PDE8A: variants seen among roughly 807,000 people sequenced by gnomAD.
PDE8A encodes the protein phosphodiesterase 8A.
In PDE8A, 59 loss-of-function variants were observed where a neutral mutation model predicts 105.0. That is an observed-to-expected ratio of 0.56 (90% confidence interval 0.46 to 0.70). PDE8A has a LOEUF of 0.70. PDE8A is among the 30% of genes least tolerant of loss of function. The pLI is 0.00. For synonymous variants in PDE8A, 355 were observed against 371.9 expected, an observed-to-expected ratio of 0.95 and a Z score of 0.52; for missense variants, 1,014 against 1,045.9, an observed-to-expected ratio of 0.97 and a Z score of 0.42.
At chr15:84,997,152 T>C (rs1008307648) in intron 1 of PDE8A, among the ~76,000 whole-genome samples, 2 of 152,104 alleles carry the variant, frequency 1.3e-5, no homozygotes, top group Non-Finnish European at 2.9e-5. Context: ...TAGCTAAGTA[T>C]TTTTTTTCTT....
At chr15:85,051,992 GC>G (rs1351995725) in intron 1 of PDE8A, among the ~76,000 whole-genome samples, 2 of 147,464 alleles carry the variant, frequency 1.4e-5, no homozygotes, top group African/African-American at 2.5e-5. Flanking sequence ...CCCACAGCAG[GC>G]CCCGGTGTGT....
intron 4 of PDE8A, 106 bp from the exon 5 acceptor site, chr15:85,076,627 A>T: frequency 4.0e-6 from 3 of 745,830 alleles, no homozygotes; most frequent in Non-Finnish European, 4.9e-6. Flanking sequence ...GATTCATCTA[A>T]AAGTACTCAT....
chr15:85,042,654 A>G (rs2141399287), intron 1 of PDE8A, among the ~76,000 whole-genome samples: 1 of 152,326 alleles, frequency 6.6e-6, no homozygotes, highest in South Asian at 2.1e-4. Context: ...TACCTGGTCA[A>G]GGATGCCTTC....
chr15:84,986,924 A>G (rs1461760952), intron 1 of PDE8A, among the ~76,000 whole-genome samples: 1 of 152,158 alleles, frequency 6.6e-6, no homozygotes, highest in Non-Finnish European at 1.5e-5. Flanking sequence ...TGATTACTCA[A>G]AATTTTACAT....
intron 2 of PDE8A, among the ~76,000 whole-genome samples, 189 bp downstream of exon 2, chr15:85,064,615 T>G (rs1023604657): frequency 6.6e-6 from 1 of 152,180 alleles, no homozygotes; most frequent in Non-Finnish European, 1.5e-5. Flanking sequence ...GAAATACACA[T>G]TGTGGTGTTT....
intron 1 of PDE8A, among the ~76,000 whole-genome samples, chr15:85,018,357 T>C (rs74024780): frequency 0.029 from 4,349 of 152,324 alleles, 173 homozygotes; most frequent in African/African-American, 0.089. Context: ...TGAGGATTTT[T>C]TGTTGTTAAA....
At chr15:85,024,805 A>T (rs1032846800) in intron 1 of PDE8A, among the ~76,000 whole-genome samples, 1 of 152,116 alleles carries the variant, frequency 6.6e-6, no homozygotes, top group Non-Finnish European at 1.5e-5. Flanking sequence ...AGTGTGTCTC[A>T]TGCTGGTGTT....
chr15:85,042,299 C>T (rs2080822687), intron 1 of PDE8A, among the ~76,000 whole-genome samples: 1 of 152,096 alleles, frequency 6.6e-6, no homozygotes, highest in Non-Finnish European at 1.5e-5. Context: ...ACTTCAGCCT[C>T]TCTGGTCTTA....
intron 1 of PDE8A, among the ~76,000 whole-genome samples, chr15:85,040,776 GTC>G: frequency 6.6e-6 from 1 of 151,896 alleles, no homozygotes; most frequent in East Asian, 2.0e-4. Flanking sequence ...AGCCAGGATG[GTC>G]TCGATCTCCT....
At chr15:85,049,391 C>A (rs1238570301) in intron 1 of PDE8A, among the ~76,000 whole-genome samples, 1 of 152,158 alleles carries the variant, frequency 6.6e-6, no homozygotes, top group African/African-American at 2.4e-5. Flanking sequence ...ATTCTGCTTT[C>A]TCTCTATATA....
chr15:85,067,220 G>A lies in PDE8A; in HGVS notation c.434+16G>A, dbSNP rs1279280864. 1.9e-6 allele frequency: 3 copies of A among 1,590,944 alleles called. No individual in the cohort carries two copies. Among genetic ancestry groups the A allele is most frequent in the East Asian group, 2.2e-5 (1 of 44,450 alleles). ...CACTGTGCAGGTAAGCCCAAGACTCGGGCCTAAATAGTCCCATTGGCCTTT... is the reference window on the plus strand; with the variant it reads ...CACTGTGCAGGTAAGCCCAAGACTCAGGCCTAAATAGTCCCATTGGCCTTT... On this transcript the variant is annotated intron_variant, in intron 3 of 21. Transcript: ENST00000394553.
At chr15:85,029,817 C>T (rs1025028226) in intron 1 of PDE8A, among the ~76,000 whole-genome samples, 1 of 152,172 alleles carries the variant, frequency 6.6e-6, no homozygotes, top group Non-Finnish European at 1.5e-5. Context: ...AAGCAACTTA[C>T]TTTTCTCACA....
chr15:84,986,293 G>A (rs1177432069), intron 1 of PDE8A, among the ~76,000 whole-genome samples: 2 of 152,174 alleles, frequency 1.3e-5, no homozygotes, highest in African/African-American at 4.8e-5. Context: ...TAGTACAGCT[G>A]CAAGCCAACC....
rs569737358 is a variant in PDE8A, at chr15:85,068,855, T to C, written c.434+1651T>C. ...CTTGTATTGTAAAAGAAAATTTAAA[T>C]TGTGTTGGTTACGCTCCACTGTTAA... On this transcript the variant is annotated intron_variant, in intron 3 of 21. Coordinates refer to ENST00000394553, the MANE Select transcript of PDE8A (RefSeq NM_002605.3). 7.9e-5 allele frequency among the ~76,000 whole-genome samples: 12 copies of C among 152,294 alleles called. No individual in the cohort carries two copies. In the South Asian group the frequency reaches 2.1e-3, roughly 26 times the overall value.
intron 1 of PDE8A, among the ~76,000 whole-genome samples, chr15:84,989,658 C>T (rs972526867): frequency 6.6e-6 from 1 of 152,188 alleles, no homozygotes; most frequent in Non-Finnish European, 1.5e-5. Context: ...GCTAGAATAC[C>T]TGGGTTCTGG....
At chr15:85,041,393 C>T (rs531041781) in intron 1 of PDE8A, among the ~76,000 whole-genome samples, 5 of 152,282 alleles carry the variant, frequency 3.3e-5, no homozygotes, top group South Asian at 2.1e-4. Context: ...CCTGCTCTCT[C>T]GTGACCTGCC....
At chr15:85,083,761 A>G in intron 6 of PDE8A, 117 bp downstream of exon 6, 1 of 682,238 alleles carries the variant, frequency 1.5e-6, no homozygotes, top group Non-Finnish European at 2.6e-6. Context: ...GATTGGAGAG[A>G]ATGGAGTGGC....
chr15:85,086,382 A>G (rs1457202954), intron 6 of PDE8A, among the ~76,000 whole-genome samples: 1 of 152,248 alleles, frequency 6.6e-6, no homozygotes, highest in Non-Finnish European at 1.5e-5. Flanking sequence ...ATAATGTTCA[A>G]AATTTAGACA....
intron 3 of PDE8A, among the ~76,000 whole-genome samples, chr15:85,068,128 C>T (rs1412781921): frequency 6.6e-6 from 1 of 152,122 alleles, no homozygotes; most frequent in Non-Finnish European, 1.5e-5. Context: ...GCAACCTCCA[C>T]CTCCAGGGTT....
Sources: allele counts gnomAD v4.1 joint callset (sites outside exome capture counted in the v4.1 genomes callset), GRCh38; gene constraint gnomAD v4.1.1; transcripts MANE v1.5; gene names NCBI Gene and HGNC (gene_info 2026-07-23, HGNC 2026-07-21).